The following LINGO2 variants were observed in gnomAD, a reference collection of about 807,000 sequenced individuals.
The protein encoded by LINGO2 is leucine rich repeat and Ig domain containing 2, also known as leucine-rich repeat and immunoglobulin-like domain-containing nogo receptor-interacting protein 2.
LINGO2 carries 14 observed loss-of-function variants against 30.6 expected under a neutral mutation model. The observed-to-expected ratio is 0.46, with a 90% CI of 0.30 to 0.72. The LOEUF is 0.72. Among genes scored for constraint, LINGO2 ranks in the 30% least tolerant of loss-of-function variants. The pLI is 0.07. For synonymous variants in LINGO2, 317 were observed against 288.5 expected, an observed-to-expected ratio of 1.10 and a Z score of -1.00; for missense variants, 729 against 751.7, an observed-to-expected ratio of 0.97 and a Z score of 0.35.
At chr9:28,024,315 C>T (rs1402571546) in intron 4 of LINGO2, among the ~76,000 whole-genome samples, 1 of 152,162 alleles carries the variant, frequency 6.6e-6, no homozygotes, top group Non-Finnish European at 1.5e-5. Context: ...CTAGTTTGTG[C>T]AAAGGTGCCC....
the LINGO2 span, among the ~76,000 whole-genome samples, chr9:28,864,395 C>T: frequency 6.6e-6 from 1 of 151,882 alleles, no homozygotes; most frequent in Admixed American, 6.6e-5. Flanking sequence ...GAAAGAAAAC[C>T]ACACCAATAA....
At chr9:28,947,845 T>C in the LINGO2 span, among the ~76,000 whole-genome samples, 1 of 152,006 alleles carries the variant, frequency 6.6e-6, no homozygotes, top group Non-Finnish European at 1.5e-5. Flanking sequence ...TCAACATGGA[T>C]GCTCCAACTT....
At chr9:28,068,964 A>T (rs1825394108) in intron 4 of LINGO2, among the ~76,000 whole-genome samples, 1 of 152,160 alleles carries the variant, frequency 6.6e-6, no homozygotes, top group Non-Finnish European at 1.5e-5. Context: ...CGGAGCTTAT[A>T]TTCTAGATAT....
At chr9:28,721,314 T>A in the LINGO2 span, among the ~76,000 whole-genome samples, 1 of 152,136 alleles carries the variant, frequency 6.6e-6, no homozygotes, top group Admixed American at 6.6e-5. Context: ...ACTGGGTATA[T>A]ACCCAAAGGA....
chr9:28,863,899 G>A, the LINGO2 span, among the ~76,000 whole-genome samples: 1 of 151,976 alleles, frequency 6.6e-6, no homozygotes, highest in African/African-American at 2.4e-5. Context: ...AAAAATAAAT[G>A]CATGCTTTCT....
At chr9:29,194,626 G>T in the LINGO2 span, among the ~76,000 whole-genome samples, 2 of 152,000 alleles carry the variant, frequency 1.3e-5, no homozygotes, top group Non-Finnish European at 2.9e-5. Context: ...CAAATATTCC[G>T]AACACTTACC....
At position 28,072,797 on chromosome 9, in the gene LINGO2, A is replaced by G. The variant is rs184171908; in HGVS notation, c.-86-60392T>C. Among the ~76,000 whole-genome samples, 5 of 152,150 alleles carry G rather than the reference A, an allele frequency of 3.3e-5. No homozygotes were observed. The East Asian group carries it at 5.8e-4, about 18-fold the overall frequency. ...GGCCCAGGATCTGTTCTGTTTTTCA[A>G]TATATCTGGGGCTGGGCCACTTAAT... On this transcript the variant is annotated intron_variant, in intron 4 of 5. Transcript: ENST00000379992.
the LINGO2 span, among the ~76,000 whole-genome samples, chr9:28,797,359 T>TATATATATAGAGAG: frequency 2.3e-3 from 79 of 34,186 alleles, 1 homozygote; most frequent in South Asian, 4.0e-3. Flanking sequence ...TATATATATA[T>TATATATATAGAGAG]AGAGAGAGAG....
At chr9:29,001,585 G>C in the LINGO2 span, among the ~76,000 whole-genome samples, 1 of 151,956 alleles carries the variant, frequency 6.6e-6, no homozygotes, top group Non-Finnish European at 1.5e-5. Flanking sequence ...AGCAAAGACA[G>C]TCAAGTAAAA....
the LINGO2 span, among the ~76,000 whole-genome samples, chr9:29,046,234 C>T: frequency 7.9e-5 from 12 of 152,122 alleles, no homozygotes; most frequent in African/African-American, 1.9e-4. Context: ...CTGCTTCCAG[C>T]CTTTGCCCAT....
chr9:28,385,422 T>C (rs1398056575), intron 2 of LINGO2, among the ~76,000 whole-genome samples: 1 of 152,092 alleles, frequency 6.6e-6, no homozygotes, highest in Non-Finnish European at 1.5e-5. Flanking sequence ...CACAATCAGG[T>C]GTGTCAGTGG....
chr9:28,660,116 C>CAAA (rs1828529649), intron 1 of LINGO2, among the ~76,000 whole-genome samples: 2 of 151,962 alleles, frequency 1.3e-5, no homozygotes. Flanking sequence ...ATAAAAATTG[C>CAAA]ATGTAAAATA....
chr9:29,131,701 A>G, the LINGO2 span, among the ~76,000 whole-genome samples: 2 of 152,046 alleles, frequency 1.3e-5, no homozygotes, highest in Non-Finnish European at 1.5e-5. Context: ...AAAGTCATCA[A>G]TGTAACTATG....
chr9:29,070,449 G>A, the LINGO2 span, among the ~76,000 whole-genome samples: 1 of 152,068 alleles, frequency 6.6e-6, no homozygotes, highest in Non-Finnish European at 1.5e-5. Context: ...TCCATGGATG[G>A]CAATGGTAAT....
At chr9:28,719,780 T>G in the LINGO2 span, among the ~76,000 whole-genome samples, 4 of 152,090 alleles carry the variant, frequency 2.6e-5, no homozygotes, top group Non-Finnish European at 5.9e-5. Flanking sequence ...CTTTTATTGC[T>G]TATTAAATAT....
chr9:29,196,340 T>A, the LINGO2 span, among the ~76,000 whole-genome samples: 1 of 152,086 alleles, frequency 6.6e-6, no homozygotes, highest in Non-Finnish European at 1.5e-5. Flanking sequence ...GTATAAGACA[T>A]CTACAATAGC....
At chr9:28,502,687 T>G (rs886421675) in intron 1 of LINGO2, among the ~76,000 whole-genome samples, 2 of 152,120 alleles carry the variant, frequency 1.3e-5, no homozygotes, top group African/African-American at 4.8e-5. Flanking sequence ...TAACATAAAT[T>G]TTAAAATTAG....
At chr9:29,052,816 G>A in the LINGO2 span, among the ~76,000 whole-genome samples, 46 of 152,144 alleles carry the variant, frequency 3.0e-4, no homozygotes, top group African/African-American at 9.6e-4. Context: ...ACATTAGCTG[G>A]TATCTGACCA....
intron 4 of LINGO2, among the ~76,000 whole-genome samples, chr9:28,095,877 A>G (rs1384898043): frequency 1.3e-5 from 2 of 152,078 alleles, no homozygotes; most frequent in Non-Finnish European, 2.9e-5. Flanking sequence ...AAAACAAACA[A>G]CCCCATCAAA....
Sources: allele counts gnomAD v4.1 joint callset (sites outside exome capture counted in the v4.1 genomes callset), GRCh38; gene constraint gnomAD v4.1.1; transcripts MANE v1.5; gene names NCBI Gene and HGNC (gene_info 2026-07-23, HGNC 2026-07-21).